The following IRAK3 variants were observed in gnomAD, a reference collection of about 807,000 sequenced individuals.
IRAK3 encodes interleukin 1 receptor associated kinase 3.
Under a neutral mutation model 56.6 loss-of-function variants are expected in IRAK3, and 57 were observed. That is an observed-to-expected ratio of 1.01 (90% confidence interval 0.81 to 1.26). IRAK3 has a LOEUF of 1.26. Among genes scored for constraint, IRAK3 ranks in the 50% most tolerant of loss-of-function variants. IRAK3 has a pLI of 0.00. For synonymous variants in IRAK3, 258 were observed against 255.7 expected (o/e 1.01, Z -0.09); for missense variants, 703 against 719.0 (o/e 0.98, Z 0.25).
At position 66,254,289 on chromosome 12, in the gene IRAK3, T is replaced by G. The variant is rs1013766498; in HGVS notation, c.*6118T>G. On this transcript the variant is annotated 3_prime_UTR_variant, in exon 12 of 12. Coordinates refer to ENST00000261233, the MANE Select transcript of IRAK3 (RefSeq NM_007199.3). ...ACATTGGAAACAACTGAAACATCCT[T>G]CAGTAAAAGATGGATTAAATAAATT... 7 of 152,144 alleles carry G rather than the reference T, an allele frequency of 4.6e-5. No homozygotes were observed. The East Asian group carries it at 1.3e-3, about 29-fold the overall frequency. 9.4% of individuals were successfully genotyped at this position (152,144 alleles called of 1,614,324 possible).
chr12:66,250,978 G>C lies in IRAK3; in HGVS notation c.*2807G>C, dbSNP rs555821360. The stretch of plus-strand genomic sequence containing the variant: ...CTTAAGGTGCTCTTAAATTGTTATA[G>C]ATTGGTAGATCCTACCTTTCCATCA... On this transcript the variant is annotated 3_prime_UTR_variant, in exon 12 of 12. Transcript: ENST00000261233. 16 of 152,334 alleles carry C rather than the reference G, an allele frequency of 1.1e-4. No individual in the cohort carries two copies. Among genetic ancestry groups the C allele is most frequent in the Non-Finnish European group, 1.8e-4 (12 of 68,036 alleles). The allele number at this position is 152,334 out of a possible 1,614,324, so 9.4% of individuals were successfully genotyped here.
intron 2 of IRAK3, among the ~76,000 whole-genome samples, chr12:66,207,481 A>C (rs1592581348): frequency 6.6e-6 from 1 of 151,064 alleles, no homozygotes; most frequent in Non-Finnish European, 1.5e-5. Context: ...CCAAAAAAAA[A>C]AACAAAAAAC....
chr12:66,246,996 G>A (rs2053039552), intron 11 of IRAK3, among the ~76,000 whole-genome samples: 1 of 152,104 alleles, frequency 6.6e-6, no homozygotes, highest in African/African-American at 2.4e-5. Context: ...TTAGTCAGGG[G>A]CCCTGGCTCA....
In IRAK3 at chr12:66,226,780, CT is replaced by C; in HGVS notation, c.712del (p.Cys238ValfsTer2). The C allele has an allele frequency of 6.2e-7, 1 of 1,611,554 alleles. No homozygotes were observed. Among genetic ancestry groups the C allele is most frequent in the African/African-American group, 1.3e-5 (1 of 74,986 alleles). ...CATATTTTACAGAGACTGAGAAGTT[CT>C]GTCTGATTTATCCATACATGAGAAA... ...AAYFTETEKFCLIYPYMRNGT... is the reference protein window; with the variant it reads ...AAYFTETEKFXLIYPYMRNGT... On this transcript the variant is annotated frameshift_variant, in exon 7 of 12. Transcript: ENST00000261233. LOFTEE classifies it high-confidence loss of function.
At chr12:66,197,071 C>A (rs2052461393) in intron 1 of IRAK3, 1 of 1,380,158 alleles carries the variant, frequency 7.2e-7, no homozygotes, top group Admixed American at 3.3e-5. Flanking sequence ...CTCAAAACAG[C>A]CTTCAAGGAC....
chr12:66,234,494 T>C, intron 8 of IRAK3: 1 of 1,611,942 alleles, frequency 6.2e-7, no homozygotes, highest in Non-Finnish European at 8.5e-7. Context: ...AAATCCGTTT[T>C]GTATAGCAGC....
chr12:66,247,267 CT>C (rs1177900683), intron 11 of IRAK3, among the ~76,000 whole-genome samples: 10 of 6,466 alleles, frequency 1.5e-3, no homozygotes, highest in African/African-American at 1.7e-3. Flanking sequence ...GAGACTCCAT[CT>C]CAAAAAAAAA....
At chr12:66,217,952 T>C (rs2052694844) in intron 6 of IRAK3, among the ~76,000 whole-genome samples, 1 of 152,180 alleles carries the variant, frequency 6.6e-6, no homozygotes, top group South Asian at 2.1e-4. Context: ...AGCTTACATA[T>C]CACTTAGTCA....
Position 66,245,249 on chromosome 12 carries a change from C to T in IRAK3, c.1301C>T (p.Pro434Leu), listed in dbSNP as rs2053017761. The change falls in exon 11 of 12, where the codon CCA becomes CTA. Residue 434 changes from proline to leucine, a missense_variant. Transcript: ENST00000261233. ...GCTGCAACGCGGGCAAAGTTAAGAC[C>T]ATCAATGGATGAAGTGAGTATATAC... Reference protein sequence around the residue: ...RCAATRAKLRPSMDEVLNTLE... With the variant: ...RCAATRAKLRLSMDEVLNTLE... 1.2e-6 allele frequency: 2 copies of T among 1,613,978 alleles called. No individual in the cohort carries two copies. Among genetic ancestry groups the T allele is most frequent in the South Asian group, 1.1e-5 (1 of 91,082 alleles).
At chr12:66,217,145 T>A in intron 5 of IRAK3, 26 bp from the exon 6 acceptor site, 1 of 1,522,876 alleles carries the variant, frequency 6.6e-7, no homozygotes, top group Non-Finnish European at 9.1e-7. Flanking sequence ...TTCCTTAATT[T>A]TGTTCTTGTC....
At chr12:66,220,777 C>T (rs1318060635) in intron 6 of IRAK3, among the ~76,000 whole-genome samples, 1 of 152,104 alleles carries the variant, frequency 6.6e-6, no homozygotes, top group Non-Finnish European at 1.5e-5. Flanking sequence ...GCCTCGGCCT[C>T]CCAAAGTGCT....
chr12:66,200,212 A>T (rs546514789), intron 1 of IRAK3, among the ~76,000 whole-genome samples: 1 of 152,352 alleles, frequency 6.6e-6, no homozygotes, highest in East Asian at 1.9e-4. Context: ...GACCTTGTGT[A>T]TATCAGTCAG....
intron 6 of IRAK3, among the ~76,000 whole-genome samples, chr12:66,225,487 G>A (rs983396009): frequency 1.3e-5 from 2 of 151,832 alleles, no homozygotes; most frequent in Non-Finnish European, 2.9e-5. Context: ...GAATGTGTGT[G>A]TTTATAGGAA....
intron 7 of IRAK3, among the ~76,000 whole-genome samples, chr12:66,227,154 TCAA>T (rs1298148540): frequency 2.0e-5 from 3 of 152,324 alleles, no homozygotes; most frequent in African/African-American, 7.2e-5. Flanking sequence ...TGAGTTGGCA[TCAA>T]CTACTCTTAT....
At chr12:66,241,961 T>A (rs1048977332) in intron 8 of IRAK3, among the ~76,000 whole-genome samples, 1 of 152,226 alleles carries the variant, frequency 6.6e-6, no homozygotes, top group African/African-American at 2.4e-5. Flanking sequence ...CTTTTCTCCC[T>A]TTTTGTACTT....
intron 11 of IRAK3, among the ~76,000 whole-genome samples, chr12:66,246,260 C>G (rs1250916413): frequency 6.6e-6 from 1 of 152,082 alleles, no homozygotes; most frequent in East Asian, 1.9e-4. Flanking sequence ...TGCAAAGGCT[C>G]CAAGGTGATG....
At chr12:66,198,462 C>A (rs17767286) in intron 1 of IRAK3, among the ~76,000 whole-genome samples, 37,656 of 151,998 alleles carry the variant, frequency 0.25, 4,976 homozygotes, top group Middle Eastern at 0.4. Flanking sequence ...CCTAGTTAAA[C>A]CTTACCCCAC....
At position 66,248,221 on chromosome 12, in the gene IRAK3, C is replaced by T. The variant is rs976395494; in HGVS notation, c.*50C>T. The T allele has an allele frequency of 7.5e-7, 1 of 1,336,760 alleles. No homozygotes were observed. 82.8% of individuals were successfully genotyped at this position (1,336,760 alleles called of 1,614,324 possible). A position where few individuals can be genotyped will look rare whatever the true frequency, so the allele number is the denominator to read the frequency against. On this transcript the variant is annotated 3_prime_UTR_variant, in exon 12 of 12. Coordinates refer to ENST00000261233, the MANE Select transcript of IRAK3 (RefSeq NM_007199.3). ...AGCAAGTATTGCATAGGCACCTGAG[C>T]ATAGGTATGACCTTGGGAAGACATT...
At chr12:66,244,778 T>G in intron 9 of IRAK3, 94 bp downstream of exon 9, 1 of 1,202,494 alleles carries the variant, frequency 8.3e-7, no homozygotes, top group Non-Finnish European at 1.2e-6. Flanking sequence ...TTTTGACTCA[T>G]TGATTTCCTG....
Sources: gnomAD v4.1 joint callset for allele counts (sites outside exome capture counted in the v4.1 genomes callset) on GRCh38, gnomAD v4.1.1 for gene constraint, MANE v1.5 for transcripts, NCBI Gene and HGNC (gene_info 2026-07-23, HGNC 2026-07-21) for gene names.